The following EXOC6B variants were observed in gnomAD, a reference collection of about 807,000 sequenced individuals.
The protein encoded by EXOC6B is exocyst complex component 6B.
EXOC6B carries 54 observed loss-of-function variants against 113.5 expected under a neutral mutation model. The ratio of observed to expected loss-of-function variants is 0.48; its 90% confidence interval spans 0.38 to 0.60. The LOEUF is 0.60. EXOC6B is among the 20% of genes least tolerant of loss of function. The probability of loss-of-function intolerance (pLI) is 0.00; values close to 1 mark genes in which losing one functional copy is unlikely to be tolerated. For missense variants in EXOC6B, 797 were observed against 977.5 expected (o/e 0.82, Z 2.46); for synonymous variants, 357 against 339.0 (o/e 1.05, Z -0.58).
At chr2:72,647,786 G>A (rs1314672026) in intron 6 of EXOC6B, among the ~76,000 whole-genome samples, 1 of 151,998 alleles carries the variant, frequency 6.6e-6, no homozygotes, top group Non-Finnish European at 1.5e-5. Flanking sequence ...AATTCAAGAT[G>A]GATTAAAGAC....
intron 16 of EXOC6B, among the ~76,000 whole-genome samples, chr2:72,484,014 T>G (rs945221463): frequency 6.6e-6 from 1 of 152,164 alleles, no homozygotes; most frequent in Non-Finnish European, 1.5e-5. Context: ...CGACTATCTC[T>G]CACAAGTAAA....
At chr2:72,347,689 T>G (rs548627214) in intron 19 of EXOC6B, among the ~76,000 whole-genome samples, 2 of 152,296 alleles carry the variant, frequency 1.3e-5, no homozygotes, top group Non-Finnish European at 1.5e-5. Context: ...ATATTTTGTA[T>G]TCTTTCAAAA....
At chr2:72,594,056 T>C (rs1461144853) in intron 6 of EXOC6B, among the ~76,000 whole-genome samples, 2 of 152,118 alleles carry the variant, frequency 1.3e-5, no homozygotes, top group Non-Finnish European at 2.9e-5. Flanking sequence ...ACACAGCTCA[T>C]TGCAGCCTTG....
rs57679690 is a variant in EXOC6B, at chr2:72,189,860, C to CTTTTTTTTTTTTT, written c.2197-5686_2197-5674dup. ...TCTCTCTCTCTTTCTCCTTCTTCTT[C>CTTTTTTTTTTTTT]TTTTTTTTTTTTTTTTTTTTGAGGC... On this transcript the variant is annotated intron_variant, in intron 20 of 21. Transcript: ENST00000272427. 1.6e-3 allele frequency among the ~76,000 whole-genome samples: 141 copies of CTTTTTTTTTTTTT among 87,210 alleles called. 15 individuals carry two copies. Among genetic ancestry groups the CTTTTTTTTTTTTT allele is most frequent in the African/African-American group, 7.3e-3 (112 of 15,344 alleles). The allele number at this position is 87,210 out of a possible 152,430, so 57.2% of individuals were successfully genotyped here.
At chr2:72,267,986 C>T (rs1420470148) in intron 20 of EXOC6B, among the ~76,000 whole-genome samples, 3 of 152,110 alleles carry the variant, frequency 2.0e-5, no homozygotes, top group African/African-American at 7.2e-5. Context: ...CCATGAAGTA[C>T]TATTTGCGAC....
At chr2:72,272,250 C>G (rs1314511516) in intron 20 of EXOC6B, among the ~76,000 whole-genome samples, 4 of 152,158 alleles carry the variant, frequency 2.6e-5, no homozygotes, top group Non-Finnish European at 5.9e-5. Context: ...AGCTCATCAA[C>G]TTTTCTAATT....
intron 1 of EXOC6B, among the ~76,000 whole-genome samples, chr2:72,815,870 T>C (rs1409693096): frequency 6.6e-6 from 1 of 152,182 alleles, no homozygotes; most frequent in East Asian, 1.9e-4. Flanking sequence ...GTACGAAATG[T>C]ACAATAGGCC....
At chr2:72,717,504 A>G (rs1397243447) in intron 6 of EXOC6B, among the ~76,000 whole-genome samples, 1 of 152,180 alleles carries the variant, frequency 6.6e-6, no homozygotes, top group Non-Finnish European at 1.5e-5. Context: ...CCTTTCATTC[A>G]TAATTTAAAA....
chr2:72,472,394 G>A (rs371542550), intron 17 of EXOC6B, among the ~76,000 whole-genome samples: 1 of 152,080 alleles, frequency 6.6e-6, no homozygotes, highest in East Asian at 1.9e-4. Flanking sequence ...CCCGTTATTG[G>A]TCTGTTCAGG....
intron 1 of EXOC6B, among the ~76,000 whole-genome samples, chr2:72,813,637 A>G (rs567138917): frequency 7.2e-5 from 11 of 152,342 alleles, no homozygotes; most frequent in Admixed American, 7.2e-4. Context: ...AATGTATTCC[A>G]TAAATATGAC....
intron 8 of EXOC6B, among the ~76,000 whole-genome samples, chr2:72,540,684 AG>A (rs1215189468): frequency 6.6e-6 from 1 of 152,196 alleles, no homozygotes; most frequent in Non-Finnish European, 1.5e-5. Context: ...ACTCTAGAAC[AG>A]GGATAAGCAA....
intron 6 of EXOC6B, among the ~76,000 whole-genome samples, chr2:72,660,692 A>G (rs1410166682): frequency 1.3e-5 from 2 of 152,222 alleles, no homozygotes; most frequent in African/African-American, 4.8e-5. Flanking sequence ...ACTTCTCTAA[A>G]TAGTTATAAA....
intron 8 of EXOC6B, among the ~76,000 whole-genome samples, chr2:72,538,520 T>C (rs1440820457): frequency 6.6e-6 from 1 of 152,180 alleles, no homozygotes; most frequent in Non-Finnish European, 1.5e-5. Context: ...ATTCCTTTTT[T>C]GGCGATGAGT....
At chr2:72,382,199 A>G (rs1188934557) in intron 18 of EXOC6B, among the ~76,000 whole-genome samples, 1 of 152,208 alleles carries the variant, frequency 6.6e-6, no homozygotes, top group African/African-American at 2.4e-5. Context: ...AGGCACCTCC[A>G]AAGAAAAACA....
At chr2:72,789,597 C>T (rs1684563921) in intron 1 of EXOC6B, among the ~76,000 whole-genome samples, 1 of 152,126 alleles carries the variant, frequency 6.6e-6, no homozygotes, top group Non-Finnish European at 1.5e-5. Context: ...AGAAACAAAA[C>T]TAGTTCTTTT....
intron 1 of EXOC6B, among the ~76,000 whole-genome samples, chr2:72,748,494 C>A (rs567182373): frequency 4.6e-5 from 7 of 152,096 alleles, no homozygotes; most frequent in African/African-American, 1.7e-4. Context: ...GGGTGCATAA[C>A]GATGAAGGAG....
In EXOC6B at chr2:72,373,580, A is replaced by T. The variant is rs184804859; in HGVS notation, c.2122+6149T>A. On this transcript the variant is annotated intron_variant, in intron 19 of 21. Coordinates refer to ENST00000272427, the MANE Select transcript of EXOC6B (RefSeq NM_015189.3). ...AATACTTTATAGGAAAAAACTAATA[A>T]TCCAATTTAAAAATGAGCAAAAGAA... Among the ~76,000 whole-genome samples, 3 of 152,320 alleles carry T rather than the reference A, an allele frequency of 2.0e-5. No homozygotes were observed. The East Asian group carries it at 5.8e-4, about 29-fold the overall frequency.
In EXOC6B at chr2:72,685,831, C is replaced by T. The variant is rs913765751; in HGVS notation, c.669+32272G>A. Among the ~76,000 whole-genome samples the T allele has an allele frequency of 3.3e-5, 5 of 152,146 alleles. No homozygotes were observed. In the South Asian group the frequency reaches 1.0e-3, roughly 32 times the overall value. On this transcript the variant is annotated intron_variant, in intron 6 of 21. Coordinates refer to ENST00000272427, the MANE Select transcript of EXOC6B (RefSeq NM_015189.3). ...CTTAATCCATGCAGGACATGTTTTG[C>T]TTTTTGAGACAATCAGGAACTATTG...
chr2:72,593,257 C>A (rs7601318), intron 6 of EXOC6B, among the ~76,000 whole-genome samples: 2 of 152,070 alleles, frequency 1.3e-5, no homozygotes, highest in East Asian at 3.9e-4. Context: ...AAGTATTTCT[C>A]TGAGTTCTGT....
Sources: allele counts gnomAD v4.1 joint callset (sites outside exome capture counted in the v4.1 genomes callset), GRCh38; gene constraint gnomAD v4.1.1; transcripts MANE v1.5; gene names NCBI Gene and HGNC (gene_info 2026-07-23, HGNC 2026-07-21).